Variants in UVSSA observed in about 807,000 individuals in gnomAD.
UVSSA encodes UV stimulated scaffold protein A, also known as UV-stimulated scaffold protein A.
A neutral mutation model predicts 73.9 loss-of-function variants in UVSSA; 72 were observed. The ratio of observed to expected loss-of-function variants is 0.97; its 90% CI spans 0.81 to 1.19. The LOEUF (loss-of-function observed/expected upper bound fraction) is 1.19. Among genes scored for constraint, UVSSA ranks in the 50% most tolerant of loss-of-function variants. The pLI, the probability that UVSSA is intolerant of heterozygous loss-of-function variation, is 0.00. For synonymous variants in UVSSA, 454 were observed against 391.3 expected (o/e 1.16, Z -1.89); for missense variants, 1,150 against 965.0 (o/e 1.19, Z -2.54).
At chr4:1,379,115 C>T (rs535638601) in intron 10 of UVSSA, among the ~76,000 whole-genome samples, 2 of 152,332 alleles carry the variant, frequency 1.3e-5, no homozygotes, top group African/African-American at 2.4e-5. Flanking sequence ...CATCCTCAGG[C>T]ACAGGGTGTG....
Position 1,353,161 on chromosome 4 carries a change from C to G in UVSSA, c.682C>G (p.Arg228Gly). 1 of 1,612,996 alleles carries G rather than the reference C, an allele frequency of 6.2e-7. No individual in the cohort carries two copies. ...GGCTTCTGGCATGTCCGATGCCCTT[C>G]GCTCCTCCTGCGCGGGCCAGGTGGG... ...GMASGMSDAL[R>G]SSCAGQVGPC... Residue 228 changes from arginine (R) to glycine (G), a missense_variant, in exon 5 of 14, where the codon CGC (arginine) becomes GGC (glycine). Coordinates refer to ENST00000389851, the MANE Select transcript of UVSSA (RefSeq NM_020894.4).
At chr4:1,343,384 TAA>T (rs1327754646), upstream of UVSSA, among the ~76,000 whole-genome samples, 6 of 152,190 alleles carry the variant, frequency 3.9e-5, no homozygotes, top group African/African-American at 9.6e-5. Context: ...CATCTCCAAA[TAA>T]AGTCACATTG....
chr4:1,354,226 T>C (rs1416097248), intron 5 of UVSSA, among the ~76,000 whole-genome samples: 1 of 152,210 alleles, frequency 6.6e-6, no homozygotes, highest in Non-Finnish European at 1.5e-5. Flanking sequence ...AAGCCTGGGC[T>C]GTCCTCGCCT....
intron 11 of UVSSA, 180 bp from the exon 12 acceptor site, chr4:1,380,700 T>A (rs1386522143): frequency 6.5e-7 from 1 of 1,542,720 alleles, no homozygotes; most frequent in East Asian, 2.5e-5. Context: ...CATCCCCACG[T>A]CCCTGTGGCT....
In UVSSA at chr4:1,394,426, C is replaced by T. The variant is rs186545033; in HGVS notation, c.*8465C>T. The T allele has an allele frequency of 7.6e-6, 12 of 1,588,548 alleles. No individual in the cohort carries two copies. In the South Asian group the frequency reaches 1.2e-4, roughly 16 times the overall value. ...TCATTTTCATATTGAAATCATTGAT[C>T]TACTTCTAGTTTTTGATACAAAATG... is the stretch of plus-strand genomic sequence containing the variant. On this transcript the variant is annotated 3_prime_UTR_variant, in exon 14 of 14. Coordinates refer to the UVSSA transcript ENST00000511216.
chr4:1,375,751 C>T (rs1718687926), intron 9 of UVSSA, among the ~76,000 whole-genome samples: 1 of 152,210 alleles, frequency 6.6e-6, no homozygotes, highest in Non-Finnish European at 1.5e-5. Flanking sequence ...ACTGCCCGTG[C>T]CTCTGAGAGG....
At chr4:1,391,405 T>C (rs1331431797), downstream of UVSSA, 2 of 152,300 alleles carry the variant, frequency 1.3e-5, no homozygotes, top group Non-Finnish European at 2.9e-5. Context: ...TGCCCAGTTA[T>C]ATTGATATTG....
At chr4:1,366,859 C>A (rs1187879942) in intron 8 of UVSSA, among the ~76,000 whole-genome samples, 1 of 152,224 alleles carries the variant, frequency 6.6e-6, no homozygotes, top group Non-Finnish European at 1.5e-5. Flanking sequence ...AGGTCTCTCC[C>A]TCTGTGCCAT....
At chr4:1,372,746 T>G in intron 8 of UVSSA, among the ~76,000 whole-genome samples, 1 of 101,902 alleles carries the variant, frequency 9.8e-6, no homozygotes, top group African/African-American at 3.0e-5. Flanking sequence ...ACCTCCCGCG[T>G]CCCTGCACTC....
chr4:1,355,748 C>T (rs1285892843), intron 7 of UVSSA, among the ~76,000 whole-genome samples: 4 of 152,138 alleles, frequency 2.6e-5, no homozygotes, highest in African/African-American at 7.2e-5. Flanking sequence ...CTGCACTTCC[C>T]TGAGCAGGGA....
exon 14 of UVSSA, chr4:1,393,509 C>G (rs1050832787): frequency 6.8e-6 from 1 of 146,634 alleles, no homozygotes; most frequent in African/African-American, 2.4e-5. Flanking sequence ...GAGCCAGGAT[C>G]AAGCCATTGT....
rs750954143 is a variant in UVSSA at position 1,349,857 on chromosome 4, A to G, written c.429+3A>G. The G allele has an allele frequency of 6.5e-7, 1 of 1,533,584 alleles. No homozygotes were observed. Among genetic ancestry groups the G allele is most frequent in the East Asian group, 2.3e-5 (1 of 43,888 alleles). 95.0% of individuals were successfully genotyped at this position (1,533,584 alleles called of 1,614,324 possible). ...ACTTCTTAAGACACAACAAAAAGGT[A>G]GGTGGGCCTGGCCCATTTTTTCAGA... On this transcript the variant is annotated splice_donor_region_variant and intron_variant, in intron 3 of 13. Coordinates refer to ENST00000389851, the MANE Select transcript of UVSSA (RefSeq NM_020894.4).
intron 2 of UVSSA, 76 bp downstream of exon 2, chr4:1,348,265 C>A: frequency 8.5e-7 from 1 of 1,170,782 alleles, no homozygotes; most frequent in Non-Finnish European, 1.3e-6. Context: ...TGCCCTCCTG[C>A]CCCCACCTGG....
chr4:1,379,796 G>GTCCTTTTGCCTGGGTGCTGTCCACA (rs1560481626), intron 10 of UVSSA, among the ~76,000 whole-genome samples: 1 of 40,126 alleles, frequency 2.5e-5, no homozygotes, highest in African/African-American at 7.6e-5. Flanking sequence ...TCGTGCCCGT[G>GTCCTTTTGCCTGGGTGCTGTCCACA]GTCGCGCGGC....
chr4:1,395,816 T>A (rs1373919557), exon 14 of UVSSA: 2 of 1,614,168 alleles, frequency 1.2e-6, no homozygotes, highest in Non-Finnish European at 1.7e-6. Context: ...ATGTCAAGGA[T>A]CCCTTTTATA....
intron 3 of UVSSA, among the ~76,000 whole-genome samples, chr4:1,350,721 G>A (rs934524677): frequency 4.6e-5 from 7 of 151,656 alleles, no homozygotes; most frequent in African/African-American, 1.5e-4. Flanking sequence ...CCTGGTCCTG[G>A]GAGTTTGAGT....
upstream of UVSSA, among the ~76,000 whole-genome samples, chr4:1,346,690 G>A (rs1713733985): frequency 1.3e-5 from 2 of 151,994 alleles, no homozygotes; most frequent in African/African-American, 2.4e-5. Context: ...GCCCGCGCCC[G>A]CCCGTCTGGG....
chr4:1,375,212 G>A (rs755573634), intron 8 of UVSSA, 152 bp from the exon 9 acceptor site: 34 of 1,290,392 alleles, frequency 2.6e-5, no homozygotes, highest in Admixed American at 4.0e-5. Context: ...CCTCACCCTC[G>A]CCCGTGAGGA....
chr4:1,370,279 G>T (rs1223385704), intron 8 of UVSSA, among the ~76,000 whole-genome samples: 1 of 152,210 alleles, frequency 6.6e-6, no homozygotes, highest in Non-Finnish European at 1.5e-5. Context: ...GTGTGTGCAT[G>T]CGTGTGCTGA....
Sources: gnomAD v4.1 joint callset for allele counts (sites outside exome capture counted in the v4.1 genomes callset) on GRCh38, gnomAD v4.1.1 for gene constraint, MANE v1.5 for transcripts, NCBI Gene and HGNC (gene_info 2026-07-23, HGNC 2026-07-21) for gene names.